The following NTNG2 variants were observed in gnomAD, a reference collection of about 807,000 sequenced individuals.
NTNG2 encodes the protein netrin-G2.
Under a neutral mutation model 47.6 loss-of-function variants are expected in NTNG2, and 15 were observed. The ratio of observed to expected loss-of-function variants is 0.32; its 90% CI spans 0.21 to 0.49. The LOEUF (loss-of-function observed/expected upper bound fraction) is 0.49. Among genes scored for constraint, NTNG2 ranks in the 20% least tolerant of loss-of-function variants. The pLI, the probability that NTNG2 is intolerant of heterozygous loss-of-function variation, is 0.99. For synonymous variants in NTNG2, 307 were observed against 324.6 expected, an observed-to-expected ratio of 0.95 and a Z score of 0.58; for missense variants, 578 against 764.6, an observed-to-expected ratio of 0.76 and a Z score of 2.88.
At chr9:132,179,238 C>T (rs1473934501) in intron 2 of NTNG2, among the ~76,000 whole-genome samples, 2 of 152,204 alleles carry the variant, frequency 1.3e-5, no homozygotes, top group African/African-American at 4.8e-5. Flanking sequence ...GGATGCCTGC[C>T]CGGATGCCAC....
At chr9:132,175,128 T>C (rs1442115936) in intron 2 of NTNG2, among the ~76,000 whole-genome samples, 1 of 151,670 alleles carries the variant, frequency 6.6e-6, no homozygotes, top group African/African-American at 2.4e-5. Context: ...GGGGGCCAGG[T>C]GATTCGAGGG....
intron 2 of NTNG2, among the ~76,000 whole-genome samples, chr9:132,195,095 CT>C (rs1283025263): frequency 2.0e-5 from 3 of 152,180 alleles, no homozygotes; most frequent in Non-Finnish European, 4.4e-5. Context: ...TCGTTTTTTT[CT>C]TTCTTTCTCT....
intron 1 of NTNG2, among the ~76,000 whole-genome samples, chr9:132,165,495 A>C: frequency 6.6e-6 from 1 of 152,170 alleles, no homozygotes; most frequent in East Asian, 1.9e-4. Flanking sequence ...CTAGTTTCTT[A>C]CAGTTAAAAA....
rs1230618380 is a variant in NTNG2, at chr9:132,180,223, TG to T, written c.213+13181del. ...TGAAACACGACCAGGCATTTTCCCT[TG>T]GCCGAAGCAGAAGTCTGCTGTCGGG... is the stretch of plus-strand genomic sequence containing the variant. On this transcript the variant is annotated intron_variant, in intron 2 of 7. Coordinates refer to ENST00000393229, the MANE Select transcript of NTNG2 (RefSeq NM_032536.4). This position sits in a 1 kb window ranked among gnomAD's most constrained non-coding sequence, Gnocchi z 4.2. Among the ~76,000 whole-genome samples the T allele has an allele frequency of 6.6e-6, 1 of 152,224 alleles. No homozygotes were observed. The highest frequency in any genetic ancestry group is 6.5e-5 in the Admixed American group (1 of 15,280).
At chr9:132,165,270 C>G (rs936514566) in intron 1 of NTNG2, among the ~76,000 whole-genome samples, 1 of 152,106 alleles carries the variant, frequency 6.6e-6, no homozygotes, top group Non-Finnish European at 1.5e-5. Context: ...CCCAATGTAA[C>G]ATTCATGTAA....
intron 3 of NTNG2, among the ~76,000 whole-genome samples, chr9:132,209,390 A>G (rs1839414736): frequency 6.6e-6 from 1 of 152,140 alleles, no homozygotes; most frequent in African/African-American, 2.4e-5. Context: ...GGGCGCGGGG[A>G]GTCCTGAGCT....
intron 2 of NTNG2, among the ~76,000 whole-genome samples, chr9:132,172,587 G>A (rs868120463): frequency 6.6e-6 from 1 of 152,072 alleles, no homozygotes; most frequent in Non-Finnish European, 1.5e-5. Flanking sequence ...GGGCTGTCTC[G>A]CTATCTTTGC....
At chr9:132,184,059 T>G (rs1452627918) in intron 2 of NTNG2, among the ~76,000 whole-genome samples, 2 of 152,150 alleles carry the variant, frequency 1.3e-5, no homozygotes, top group African/African-American at 4.8e-5. Flanking sequence ...TCAATGAAAC[T>G]TACCAGCCCA....
At chr9:132,192,366 G>A (rs1441823737) in intron 2 of NTNG2, among the ~76,000 whole-genome samples, 2 of 152,114 alleles carry the variant, frequency 1.3e-5, no homozygotes, top group Non-Finnish European at 2.9e-5. Flanking sequence ...CGAGGTGGGC[G>A]GATCACCTGA....
intron 3 of NTNG2, among the ~76,000 whole-genome samples, chr9:132,219,676 T>C (rs1444915188): frequency 1.3e-5 from 2 of 152,184 alleles, no homozygotes; most frequent in Non-Finnish European, 2.9e-5. Flanking sequence ...GGTTCTTCCA[T>C]GTCATAGTGT....
rs375864667 is a variant in NTNG2 at position 132,229,637 on chromosome 9, C to T, written c.1031-935C>T. Among the ~76,000 whole-genome samples, 247 of 152,342 alleles carry T rather than the reference C, an allele frequency of 1.6e-3. 1 individual carries two copies. Among genetic ancestry groups the T allele is most frequent in the African/African-American group, 5.6e-3 (234 of 41,568 alleles). On this transcript the variant is annotated intron_variant, in intron 4 of 7. Transcript: ENST00000393229. ...CTGTGGCTGCACCCCGAGGTGTCCT[C>T]AGGGTCTAGCAGGTGGCTGCCCAGA...
intron 2 of NTNG2, among the ~76,000 whole-genome samples, chr9:132,168,648 A>G (rs914424): frequency 0.48 from 73,129 of 151,820 alleles, 19,101 homozygotes; most frequent in African/African-American, 0.69. Flanking sequence ...CCGCAGGGCC[A>G]AGCAAGGGGG....
At chr9:132,172,375 G>A (rs575730602) in intron 2 of NTNG2, among the ~76,000 whole-genome samples, 4 of 152,160 alleles carry the variant, frequency 2.6e-5, no homozygotes, top group Non-Finnish European at 2.9e-5. Flanking sequence ...TTAGAATCCC[G>A]TGCTGTGTGA....
At chr9:132,222,617 G>C (rs150949918) in intron 3 of NTNG2, among the ~76,000 whole-genome samples, 1 of 152,082 alleles carries the variant, frequency 6.6e-6, no homozygotes, top group East Asian at 1.9e-4. Flanking sequence ...GACGTCCTTC[G>C]TCCTGGGAAC....
In NTNG2 at chr9:132,163,768, G is replaced by C. The variant is rs557807956; in HGVS notation, c.-484+1529G>C. Among the ~76,000 whole-genome samples, 2 of 152,226 alleles carry C rather than the reference G, an allele frequency of 1.3e-5. No individual in the cohort carries two copies. The highest frequency in any genetic ancestry group is 2.4e-5 in the African/African-American group (1 of 41,462). On this transcript the variant is annotated intron_variant, in intron 1 of 7. Transcript: ENST00000393229. The surrounding 1 kb of genome is among the most constrained non-coding windows in gnomAD (Gnocchi z 7.2). ...ACCTGCTGGCGAGCCCAGCCAGCTC[G>C]GGAGGCGCTAATTCAATAAGACAGA...
In NTNG2 at chr9:132,208,985, A is replaced by C. The variant is rs533721581; in HGVS notation, c.857+10376A>C. Among the ~76,000 whole-genome samples the C allele has an allele frequency of 6.6e-6, 1 of 152,136 alleles. No individual in the cohort carries two copies. The highest frequency in any genetic ancestry group is 2.1e-4 in the South Asian group (1 of 4,820). The stretch of plus-strand genomic sequence containing the variant: ...CTCCTTCGTTCTCACTGTGCCTCTG[A>C]GGCTTATGGCGTGGCCGCCTGCGTG... On this transcript the variant is annotated intron_variant, in intron 3 of 7. Coordinates refer to ENST00000393229, the MANE Select transcript of NTNG2 (RefSeq NM_032536.4). This position sits in a 1 kb window ranked among gnomAD's most constrained non-coding sequence, Gnocchi z 4.0.
chr9:132,239,648 T>C (rs1316435089), intron 6 of NTNG2, among the ~76,000 whole-genome samples: 3 of 150,600 alleles, frequency 2.0e-5, no homozygotes, highest in Non-Finnish European at 4.4e-5. Context: ...TGTGGGGGGG[T>C]CCCCCTCCAT....
chr9:132,231,848 T>A lies in NTNG2; in HGVS notation c.1054+1253T>A. 1.3e-5 allele frequency: 2 copies of A among 156,980 alleles called. No individual in the cohort carries two copies. Among genetic ancestry groups the A allele is most frequent in the Admixed American group, 6.1e-5 (1 of 16,292 alleles). 9.7% of individuals were successfully genotyped at this position (156,980 alleles called of 1,614,324 possible). A position where few individuals can be genotyped will look rare whatever the true frequency, so the allele number is the denominator to read the frequency against. On this transcript the variant is annotated intron_variant, in intron 5 of 7. Transcript: ENST00000393229. The surrounding 1 kb of genome is among the most constrained non-coding windows in gnomAD (Gnocchi z 4.1). ...CACCCTCTCCTGCTTCTAGCCTGGGTCCCTGCCTCTCTTGGGGTGGGAGGG... is the reference window on the plus strand; with the variant it reads ...CACCCTCTCCTGCTTCTAGCCTGGGACCCTGCCTCTCTTGGGGTGGGAGGG...
At chr9:132,164,751 T>C (rs1443673375) in intron 1 of NTNG2, among the ~76,000 whole-genome samples, 1 of 152,258 alleles carries the variant, frequency 6.6e-6, no homozygotes, top group Non-Finnish European at 1.5e-5. Flanking sequence ...TGGTCCTGGC[T>C]GGGTTCTCGT....
Sources: gnomAD v4.1 joint callset for allele counts (sites outside exome capture counted in the v4.1 genomes callset) on GRCh38, gnomAD v4.1.1 for gene constraint, Gnocchi (gnomAD v3.1) non-coding constraint, MANE v1.5 for transcripts, NCBI Gene and HGNC (gene_info 2026-07-23, HGNC 2026-07-21) for gene names.